UNC5B: variants seen among roughly 807,000 people sequenced by gnomAD.
UNC5B encodes unc-5 netrin receptor B.
A neutral mutation model predicts 103.7 loss-of-function variants in UNC5B; 56 were observed. The observed-to-expected ratio is 0.54, with a 90% CI of 0.44 to 0.67. The LOEUF is 0.67. Among genes scored for constraint, UNC5B ranks in the 30% least tolerant of loss-of-function variants. The pLI is 0.00. For missense variants in UNC5B, 1,194 were observed against 1,284.5 expected (o/e 0.93, Z 1.08); for synonymous variants, 577 against 542.0 (o/e 1.06, Z -0.90).
intron 1 of UNC5B, among the ~76,000 whole-genome samples, chr10:71,242,520 A>C (rs1397918070): frequency 6.6e-6 from 1 of 152,018 alleles, no homozygotes; most frequent in East Asian, 1.9e-4. Context: ...GGGCCTGTCC[A>C]CCCTCTAGAG....
At chr10:71,242,253 C>T (rs1241973771) in intron 1 of UNC5B, among the ~76,000 whole-genome samples, 1 of 152,212 alleles carries the variant, frequency 6.6e-6, no homozygotes, top group African/African-American at 2.4e-5. Flanking sequence ...CTCGCCCCAC[C>T]TCCCCCTGGG....
chr10:71,258,497 A>G (rs1844342940), intron 1 of UNC5B, among the ~76,000 whole-genome samples: 1 of 152,188 alleles, frequency 6.6e-6, no homozygotes, highest in Admixed American at 6.5e-5. Flanking sequence ...CTCCTCCAGG[A>G]AGCCTGGCCC....
intron 11 of UNC5B, 87 bp from the exon 12 acceptor site, chr10:71,293,318 G>A: frequency 6.8e-7 from 1 of 1,466,168 alleles, no homozygotes; most frequent in South Asian, 1.4e-5. Context: ...CACCTCCCGG[G>A]CCCTGGGCAG....
intron 1 of UNC5B, among the ~76,000 whole-genome samples, chr10:71,222,866 C>T (rs1241927350): frequency 1.3e-5 from 2 of 152,362 alleles, no homozygotes; most frequent in South Asian, 2.1e-4. Flanking sequence ...CGATCAGAGG[C>T]GTCCGCCTGC....
At chr10:71,222,196 G>A (rs952009676) in intron 1 of UNC5B, among the ~76,000 whole-genome samples, 2 of 152,156 alleles carry the variant, frequency 1.3e-5, no homozygotes, top group Admixed American at 6.5e-5. Context: ...GGTAGGGGAT[G>A]TGTACGTGAA....
In UNC5B at chr10:71,285,439, G is replaced by A. The variant is rs748361866; in HGVS notation, c.552+10G>A. On this transcript the variant is annotated intron_variant, in intron 4 of 16. Coordinates refer to ENST00000335350, the MANE Select transcript of UNC5B (RefSeq NM_170744.5). ...GGTGCCTGTGGCCGAGGTGAGCGGG[G>A]ACGTAGGGACCACTGAGCACGGCCC... is the stretch of plus-strand genomic sequence containing the variant. 1.9e-6 allele frequency: 3 copies of A among 1,576,866 alleles called. No homozygotes were observed. The highest frequency in any genetic ancestry group is 3.6e-5 in the Admixed American group (2 of 55,074).
intron 2 of UNC5B, 68 bp downstream of exon 2, chr10:71,280,113 T>C: frequency 2.0e-6 from 3 of 1,520,210 alleles, no homozygotes; most frequent in Non-Finnish European, 2.7e-6. Context: ...CCTAGCTCCA[T>C]GTGAGACTTC....
intron 1 of UNC5B, among the ~76,000 whole-genome samples, chr10:71,262,844 T>C (rs570054457): frequency 6.6e-6 from 1 of 152,186 alleles, no homozygotes; most frequent in Non-Finnish European, 1.5e-5. Flanking sequence ...GCAGGTTAAA[T>C]GTGTGGCTGT....
In UNC5B at chr10:71,295,036, T is replaced by C. The variant is rs951683600; in HGVS notation, c.2176-775T>C. Among the ~76,000 whole-genome samples, 4 of 152,284 alleles carry C rather than the reference T, an allele frequency of 2.6e-5. No homozygotes were observed. The South Asian group carries it at 8.3e-4, about 32-fold the overall frequency. ...TCCCATGGCTCCATGCACTTTCTGT[T>C]CCTGCTCCCTGGCCCCGTCCAGCTC... On this transcript the variant is annotated intron_variant, in intron 13 of 16. Transcript: ENST00000335350.
chr10:71,291,017 G>A lies in UNC5B; in HGVS notation c.1202G>A (p.Arg401His), dbSNP rs34447655. ...GCGGTGGGGGTGGTGGTGTACCGCCGCAACTGCCGTGACTTCGACACAGAC... is the reference window on the plus strand; with the variant it reads ...GCGGTGGGGGTGGTGGTGTACCGCCACAACTGCCGTGACTTCGACACAGAC... ...LMAVGVVVYRRNCRDFDTDIT... is the reference protein window; with the variant it reads ...LMAVGVVVYRHNCRDFDTDIT... The change falls in exon 9 of 17, where the codon CGC becomes CAC. Residue 401 changes from arginine (R) to histidine (H), a missense_variant. By Grantham distance (29) the Arg-to-His change is conservative (BLOSUM62 0). Coordinates refer to ENST00000335350, the MANE Select transcript of UNC5B (RefSeq NM_170744.5). 5.1e-3 allele frequency: 8,196 copies of A among 1,614,026 alleles called. 374 individuals carry two copies. In the African/African-American group the frequency reaches 0.098, roughly 19 times the overall value.
At position 71,291,028 on chromosome 10, in the gene UNC5B, G is replaced by A. The variant is rs775331842; in HGVS notation, c.1213G>A (p.Asp405Asn). 9 of 1,614,040 alleles carry A rather than the reference G, an allele frequency of 5.6e-6. No homozygotes were observed. The highest frequency in any genetic ancestry group is 1.3e-5 in the African/African-American group (1 of 74,924). ...GGTGGTGTACCGCCGCAACTGCCGT[G>A]ACTTCGACACAGACATCACTGACTC... ...GVVVYRRNCRDFDTDITDSSA... is the reference protein window; with the variant it reads ...GVVVYRRNCRNFDTDITDSSA... Residue 405 changes from aspartate (D) to asparagine (N), a missense_variant, in exon 9 of 17, where the codon GAC becomes AAC. Asp to Asn is a conservative substitution (Grantham distance 23). Transcript: ENST00000335350.
At chr10:71,294,372 G>A (rs904753159) in intron 13 of UNC5B, among the ~76,000 whole-genome samples, 3 of 152,230 alleles carry the variant, frequency 2.0e-5, no homozygotes, top group African/African-American at 7.2e-5. Context: ...GGGCGAGATG[G>A]GCAGGGCTCA....
chr10:71,266,047 C>T (rs745967186), intron 1 of UNC5B, among the ~76,000 whole-genome samples: 7 of 152,192 alleles, frequency 4.6e-5, no homozygotes, highest in African/African-American at 7.2e-5. Flanking sequence ...CTGGTATTTC[C>T]TGTCACTAGG....
Position 71,301,919 on chromosome 10 carries a change from C to G in UNC5B, c.*2642C>G, listed in dbSNP as rs1845591036. Reference sequence around the variant, plus strand: ...CCACCCCACCCTCAGAAGCTGCTTGCTCTGCCCCCAGGACAGGAGCTTGAC... The same window carrying G: ...CCACCCCACCCTCAGAAGCTGCTTGGTCTGCCCCCAGGACAGGAGCTTGAC... On this transcript the variant is annotated 3_prime_UTR_variant, in exon 17 of 17. Transcript: ENST00000335350. 6.6e-6 allele frequency: 1 copy of G among 152,242 alleles called. No individual in the cohort carries two copies. The highest frequency in any genetic ancestry group is 2.4e-5 in the African/African-American group (1 of 41,434). 9.4% of individuals were successfully genotyped at this position (152,242 alleles called of 1,614,324 possible).
chr10:71,291,935 G>A, intron 10 of UNC5B, 114 bp downstream of exon 10: 1 of 1,392,508 alleles, frequency 7.2e-7, no homozygotes, highest in Non-Finnish European at 9.5e-7. Flanking sequence ...CACAGATGGG[G>A]AAAGGGAGGC....
chr10:71,286,568 C>A, intron 4 of UNC5B, 121 bp from the exon 5 acceptor site: 2 of 1,276,130 alleles, frequency 1.6e-6, no homozygotes, highest in Non-Finnish European at 2.2e-6. Flanking sequence ...GTGCTATAGT[C>A]CCACCAAGGC....
Position 71,291,495 on chromosome 10 carries a change from G to A in UNC5B, c.1358G>A (p.Arg453His), listed in dbSNP as rs142562308. Residue 453 changes from arginine to histidine, a missense_variant, in exon 10 of 17, where the codon CGC (arginine) becomes CAC (histidine). Physicochemically the swap from Arg to His is conservative, Grantham distance 29 (BLOSUM62 0). Transcript: ENST00000335350. The stretch of plus-strand genomic sequence containing the variant: ...CTGACAGCCAGCGCCGGCATCTACC[G>A]CGGACCCGTGTATGCCCTGCAGGAC... ...PDLTASAGIY[R>H]GPVYALQDST... is the part of the protein sequence containing the mutation. 1.4e-5 allele frequency: 22 copies of A among 1,614,026 alleles called. No homozygotes were observed. The highest frequency in any genetic ancestry group is 8.9e-5 in the East Asian group (4 of 44,878).
chr10:71,240,462 C>T (rs1843873942), intron 1 of UNC5B, among the ~76,000 whole-genome samples: 1 of 152,238 alleles, frequency 6.6e-6, no homozygotes, highest in South Asian at 2.1e-4. Context: ...CGTGGCCTGC[C>T]TCTGATAGGC....
At chr10:71,240,021 G>A (rs1006631008) in intron 1 of UNC5B, among the ~76,000 whole-genome samples, 12 of 152,184 alleles carry the variant, frequency 7.9e-5, no homozygotes, top group African/African-American at 2.9e-4. Flanking sequence ...CCAGGCGGGT[G>A]AGGGAAGGTG....
Sources: allele counts gnomAD v4.1 joint callset (sites outside exome capture counted in the v4.1 genomes callset), GRCh38; gene constraint gnomAD v4.1.1; transcripts MANE v1.5; gene names NCBI Gene and HGNC (gene_info 2026-07-23, HGNC 2026-07-21).